KLHL29: variants seen among roughly 807,000 people sequenced by gnomAD.
The protein encoded by KLHL29 is kelch like family member 29, also known as kelch-like protein 29.
A neutral mutation model predicts 80.4 loss-of-function variants in KLHL29; 21 were observed. That is an observed-to-expected ratio of 0.26 (90% confidence interval 0.19 to 0.38). KLHL29 has a LOEUF of 0.38. KLHL29 is among the 10% of genes least tolerant of loss of function. KLHL29 has a pLI of 1.00. For missense variants in KLHL29, 867 were observed against 1,223.9 expected, an observed-to-expected ratio of 0.71 and a Z score of 4.35; for synonymous variants, 511 against 526.8, an observed-to-expected ratio of 0.97 and a Z score of 0.41.
chr2:23,488,277 G>A (rs1358177257), intron 2 of KLHL29, among the ~76,000 whole-genome samples: 1 of 152,206 alleles, frequency 6.6e-6, no homozygotes, highest in East Asian at 1.9e-4. Flanking sequence ...TATTCAGCAT[G>A]GGGCTGAGGA....
chr2:23,596,055 C>G lies in KLHL29; in HGVS notation c.285+33574C>G, dbSNP rs1310275441. Among the ~76,000 whole-genome samples the G allele has an allele frequency of 5.9e-5, 9 of 152,208 alleles. No individual in the cohort carries two copies. Among genetic ancestry groups the G allele is most frequent in the Non-Finnish European group, 1.3e-4 (9 of 68,036 alleles). ...GTGGCATTGGGTCCACATTTGCTGC[C>G]AGCATAGCCTCTGGAATGCACGGCC... On this transcript the variant is annotated intron_variant, in intron 3 of 13. Transcript: ENST00000486442. This position sits in a 1 kb window ranked among gnomAD's most constrained non-coding sequence, Gnocchi z 4.4.
chr2:23,621,261 G>A (rs1247334889), intron 3 of KLHL29, among the ~76,000 whole-genome samples: 4 of 152,192 alleles, frequency 2.6e-5, no homozygotes, highest in African/African-American at 9.7e-5. Flanking sequence ...GACCTCCCAG[G>A]GGAGAGACTG....
At chr2:23,619,527 G>A (rs1317984489) in intron 3 of KLHL29, among the ~76,000 whole-genome samples, 1 of 152,188 alleles carries the variant, frequency 6.6e-6, no homozygotes, top group Non-Finnish European at 1.5e-5. Flanking sequence ...TTAGGCCCCA[G>A]GGCAGCCGAA....
At chr2:23,497,819 C>G (rs1386730444) in intron 2 of KLHL29, among the ~76,000 whole-genome samples, 1 of 152,152 alleles carries the variant, frequency 6.6e-6, no homozygotes, top group African/African-American at 2.4e-5. Context: ...GGCCTCAGCA[C>G]TGAAGTCAGG....
At chr2:23,702,293 C>T (rs979742677) in intron 11 of KLHL29, among the ~76,000 whole-genome samples, 2 of 152,158 alleles carry the variant, frequency 1.3e-5, no homozygotes, top group Non-Finnish European at 2.9e-5. Flanking sequence ...AGCCAGCTTA[C>T]CTTAAACATG....
chr2:23,573,073 G>A (rs1047746004), intron 3 of KLHL29, among the ~76,000 whole-genome samples: 6 of 44 alleles, frequency 0.14, no homozygotes, highest in African/African-American at 0.25. Flanking sequence ...TCACGGGTTC[G>A]TAGTTGGGCC....
At chr2:23,518,435 C>A (rs1352718995) in intron 2 of KLHL29, among the ~76,000 whole-genome samples, 1 of 152,212 alleles carries the variant, frequency 6.6e-6, no homozygotes, top group Non-Finnish European at 1.5e-5. Context: ...GAGGGGGGAT[C>A]TTCCCTTCTC....
intron 2 of KLHL29, among the ~76,000 whole-genome samples, chr2:23,505,857 C>G (rs72848089): frequency 0.09 from 13,637 of 152,272 alleles, 654 homozygotes; most frequent in African/African-American, 0.11. Flanking sequence ...CCTTCCCCTA[C>G]AGGGTGGGTT....
chr2:23,530,219 A>G (rs1290173377), intron 2 of KLHL29, among the ~76,000 whole-genome samples: 1 of 152,210 alleles, frequency 6.6e-6, no homozygotes, highest in East Asian at 1.9e-4. Context: ...CTGTTCTGGA[A>G]TCAGCGAAGT....
intron 1 of KLHL29, among the ~76,000 whole-genome samples, chr2:23,407,552 C>A (rs551666091): frequency 6.6e-6 from 1 of 151,176 alleles, no homozygotes; most frequent in African/African-American, 2.4e-5. Flanking sequence ...TTCAGTTTGT[C>A]ATTTGAATTC....
Position 23,622,120 on chromosome 2 carries a change from T to G in KLHL29, c.286-17019T>G, listed in dbSNP as rs142662651. Among the ~76,000 whole-genome samples, 1,280 of 152,302 alleles carry G rather than the reference T, an allele frequency of 8.4e-3. 20 individuals carry two copies. The highest frequency in any genetic ancestry group is 0.029 in the African/African-American group (1,211 of 41,564). ...GACACAGGGAACTGTGATTCTCATT[T>G]TGTAGATGAGGAAACTGAGGCTCAG... On this transcript the variant is annotated intron_variant, in intron 3 of 13. Coordinates refer to ENST00000486442, the MANE Select transcript of KLHL29 (RefSeq NM_052920.2).
intron 12 of KLHL29, 42 bp from the exon 13 acceptor site, chr2:23,703,677 A>G (rs1199401020): frequency 6.7e-7 from 1 of 1,503,456 alleles, no homozygotes; most frequent in Admixed American, 2.2e-5. Flanking sequence ...AGGGAAGTCC[A>G]AGACAAGCTG....
intron 2 of KLHL29, among the ~76,000 whole-genome samples, chr2:23,554,280 A>G (rs1667203654): frequency 6.6e-6 from 1 of 152,240 alleles, no homozygotes; most frequent in African/African-American, 2.4e-5. Context: ...AGAAAGGGAA[A>G]CTAAAATAAT....
At chr2:23,421,366 G>T (rs1662795153) in intron 1 of KLHL29, among the ~76,000 whole-genome samples, 1 of 152,190 alleles carries the variant, frequency 6.6e-6, no homozygotes, top group Admixed American at 6.5e-5. Context: ...GCCCAGTAGG[G>T]CCTCCCTACA....
At chr2:23,614,674 G>T (rs988578127) in intron 3 of KLHL29, among the ~76,000 whole-genome samples, 2 of 152,142 alleles carry the variant, frequency 1.3e-5, no homozygotes, top group Admixed American at 6.5e-5. Flanking sequence ...AGTGTTAGCT[G>T]TGAGATTTGA....
chr2:23,454,064 C>T (rs1663968048), intron 1 of KLHL29, among the ~76,000 whole-genome samples: 1 of 152,206 alleles, frequency 6.6e-6, no homozygotes, highest in Non-Finnish European at 1.5e-5. Context: ...TTTGAAGAGC[C>T]TAGCCTAATT....
chr2:23,492,890 C>T (rs191474202), intron 2 of KLHL29, among the ~76,000 whole-genome samples: 112 of 152,334 alleles, frequency 7.4e-4, no homozygotes, highest in African/African-American at 2.5e-3. Context: ...TACTACGATG[C>T]AGCCCACAGG....
intron 3 of KLHL29, among the ~76,000 whole-genome samples, chr2:23,627,195 T>G (rs1336343961): frequency 6.6e-6 from 1 of 152,226 alleles, no homozygotes; most frequent in Non-Finnish European, 1.5e-5. Context: ...GGCATCTGGC[T>G]GCCCCCAAGT....
intron 3 of KLHL29, among the ~76,000 whole-genome samples, chr2:23,613,674 G>C (rs1452999438): frequency 3.4e-5 from 5 of 146,096 alleles, no homozygotes; most frequent in Admixed American, 1.4e-4. Context: ...TGAGGCAGGA[G>C]AATCGTTTGA....
Sources: gnomAD v4.1 joint callset for allele counts (sites outside exome capture counted in the v4.1 genomes callset) on GRCh38, gnomAD v4.1.1 for gene constraint, Gnocchi (gnomAD v3.1) non-coding constraint, MANE v1.5 for transcripts, NCBI Gene and HGNC (gene_info 2026-07-23, HGNC 2026-07-21) for gene names.